The following ACER1 variants were observed in gnomAD, a reference collection of about 807,000 sequenced individuals.
ACER1 encodes alkaline ceramidase 1, also known as CTB-180A7.3.
ACER1 carries 28 observed loss-of-function variants against 24.9 expected under a neutral mutation model. The ratio of observed to expected loss-of-function variants is 1.13; its 90% CI spans 0.83 to 1.54. ACER1 has a LOEUF of 1.54. ACER1 is among the 40% of genes most tolerant of loss of function. The pLI is 0.00. For synonymous variants in ACER1, 132 were observed against 131.4 expected, an observed-to-expected ratio of 1.00 and a Z score of -0.03; for missense variants, 352 against 349.3, an observed-to-expected ratio of 1.01 and a Z score of -0.06.
chr19:6,339,453 G>A, the ACER1 span, among the ~76,000 whole-genome samples: 1 of 152,050 alleles, frequency 6.6e-6, no homozygotes, highest in Non-Finnish European at 1.5e-5. Flanking sequence ...GGGGGTATGA[G>A]GGGCTGGGGA....
chr19:6,335,299 A>G (rs921612474), upstream of ACER1, among the ~76,000 whole-genome samples: 25 of 138,192 alleles, frequency 1.8e-4, no homozygotes, highest in African/African-American at 6.1e-4. Context: ...ATCTTGGCTC[A>G]CTGCAACCTC....
At chr19:6,328,207 T>C (rs1208766322) in intron 1 of ACER1, among the ~76,000 whole-genome samples, 2 of 151,822 alleles carry the variant, frequency 1.3e-5, no homozygotes, top group East Asian at 3.9e-4. Flanking sequence ...GCCAAAAATA[T>C]TGGCCAGGCG....
chr19:6,335,906 CT>C (rs750891225), upstream of ACER1, among the ~76,000 whole-genome samples: 211 of 141,436 alleles, frequency 1.5e-3, no homozygotes, highest in African/African-American at 4.2e-3. Context: ...TTTTTCTTTT[CT>C]TTTTTTTTTT....
At chr19:6,334,636 C>T (rs573261287), upstream of ACER1, among the ~76,000 whole-genome samples, 1 of 152,248 alleles carries the variant, frequency 6.6e-6, no homozygotes, top group South Asian at 2.1e-4. Flanking sequence ...CATGAGCCAC[C>T]TCACCTGGCC....
At chr19:6,347,314 G>A in the ACER1 span, among the ~76,000 whole-genome samples, 2 of 147,834 alleles carry the variant, frequency 1.4e-5, no homozygotes. Context: ...TCAACCTCCT[G>A]GGTTCAAGCC....
chr19:6,344,357 G>C, the ACER1 span, among the ~76,000 whole-genome samples: 1 of 151,724 alleles, frequency 6.6e-6, no homozygotes, highest in Non-Finnish European at 1.5e-5. Flanking sequence ...CATGAGAAGC[G>C]CTTGAACCCA....
intron 1 of ACER1, among the ~76,000 whole-genome samples, chr19:6,331,579 A>G (rs988409227): frequency 6.6e-6 from 1 of 151,440 alleles, no homozygotes; most frequent in African/African-American, 2.4e-5. Context: ...GGATCACCTG[A>G]GGTCGGGAGT....
At chr19:6,350,520 G>A in the ACER1 span, among the ~76,000 whole-genome samples, 4 of 150,492 alleles carry the variant, frequency 2.7e-5, no homozygotes, top group African/African-American at 4.9e-5. Context: ...GCAGTGAGCC[G>A]AGATCGTGCC....
chr19:6,337,657 C>CTTTGTTTTTTTTTTTTTTTTTTTTT (rs1568315512), upstream of ACER1, among the ~76,000 whole-genome samples: 1 of 51,008 alleles, frequency 2.0e-5, no homozygotes, highest in African/African-American at 8.3e-5. Flanking sequence ...TTCTTTCTTT[C>CTTTGTTTTTTTTTTTTTTTTTTTTT]TTTCTTTTTT....
the ACER1 span, chr19:6,343,995 C>T: frequency 6.6e-6 from 1 of 152,174 alleles, no homozygotes; most frequent in African/African-American, 2.4e-5. Context: ...TATTCACAAA[C>T]ATCCCTGAGT....
At chr19:6,335,896 TTTTTC>T (rs1240801214), upstream of ACER1, among the ~76,000 whole-genome samples, 1 of 150,384 alleles carries the variant, frequency 6.6e-6, no homozygotes. Context: ...CTTTTTTTTC[TTTTTC>T]TTTTCTTTTT....
chr19:6,329,735 T>A (rs1184977433), intron 1 of ACER1, among the ~76,000 whole-genome samples: 3 of 152,058 alleles, frequency 2.0e-5, no homozygotes, highest in Non-Finnish European at 2.9e-5. Flanking sequence ...AGACAGGATA[T>A]TACTCTGTTG....
the ACER1 span, among the ~76,000 whole-genome samples, chr19:6,345,056 G>A: frequency 1.4e-4 from 21 of 151,644 alleles, no homozygotes; most frequent in Admixed American, 7.2e-4. Context: ...TAGTAGAGAC[G>A]GGGTTTCACC....
At position 6,333,598 on chromosome 19, in the gene ACER1, G is replaced by A; in HGVS notation, c.-47C>T. The A allele has an allele frequency of 6.6e-7, 1 of 1,505,772 alleles. No individual in the cohort carries two copies. Among genetic ancestry groups the A allele is most frequent in the Non-Finnish European group, 9.0e-7 (1 of 1,111,728 alleles). 93.3% of individuals were successfully genotyped at this position (1,505,772 alleles called of 1,614,324 possible). Reference sequence around the variant, plus strand: ...AGCCGGCTGCGCCCGGCAGAGAGAAGGCGAGCTTGGGAAGGCTGGGCCCTG... The same window carrying A: ...AGCCGGCTGCGCCCGGCAGAGAGAAAGCGAGCTTGGGAAGGCTGGGCCCTG... On this transcript the variant is annotated 5_prime_UTR_variant, in exon 1 of 6. Transcript: ENST00000301452.
the ACER1 span, among the ~76,000 whole-genome samples, chr19:6,347,109 A>AATATATATAT: frequency 5.9e-4 from 67 of 113,744 alleles, no homozygotes; most frequent in African/African-American, 3.0e-3. Flanking sequence ...AAAAAAAAAA[A>AATATATATAT]ATATATATAT....
chr19:6,325,297 G>A (rs2091655605), intron 1 of ACER1, among the ~76,000 whole-genome samples: 1 of 152,146 alleles, frequency 6.6e-6, no homozygotes, highest in Admixed American at 6.6e-5. Flanking sequence ...ATCGACTGGG[G>A]AGACTCCCCC....
chr19:6,336,228 G>C (rs111462135), upstream of ACER1, among the ~76,000 whole-genome samples: 7,539 of 151,948 alleles, frequency 0.05, 286 homozygotes, highest in African/African-American at 0.11. Context: ...ACAGGGTCTT[G>C]CTCTGTTGCC....
At chr19:6,322,513 G>A (rs906944542) in intron 1 of ACER1, among the ~76,000 whole-genome samples, 1 of 152,046 alleles carries the variant, frequency 6.6e-6, no homozygotes, top group African/African-American at 2.4e-5. Flanking sequence ...AACCCTGGGT[G>A]CCCTTTTCCA....
the ACER1 span, among the ~76,000 whole-genome samples, chr19:6,344,578 T>TAG: frequency 5.3e-5 from 8 of 151,784 alleles, no homozygotes; most frequent in African/African-American, 1.9e-4. Context: ...GTATTTTTAG[T>TAG]AGAGACAAGG....
Sources: allele counts gnomAD v4.1 joint callset (sites outside exome capture counted in the v4.1 genomes callset), GRCh38; gene constraint gnomAD v4.1.1; transcripts MANE v1.5; gene names NCBI Gene and HGNC (gene_info 2026-07-23, HGNC 2026-07-21).